GALNT13: variants seen among roughly 807,000 people sequenced by gnomAD.
GALNT13 encodes UDP-GalNAc:polypeptide N-acetylgalactosaminyltransferase 13.
GALNT13 carries 28 observed loss-of-function variants against 64.2 expected under a neutral mutation model. That is an observed-to-expected ratio of 0.44 (90% CI 0.32 to 0.60). GALNT13 has a LOEUF of 0.60. Ranked by LOEUF, GALNT13 falls within the 20% of genes least tolerant of loss-of-function variation. GALNT13 has a pLI of 0.05. For synonymous variants in GALNT13, 214 were observed against 224.6 expected (o/e 0.95, Z 0.42); for missense variants, 577 against 669.8 (o/e 0.86, Z 1.53).
At chr2:153,417,032 G>A in the GALNT13 span, among the ~76,000 whole-genome samples, 2 of 152,158 alleles carry the variant, frequency 1.3e-5, no homozygotes, top group East Asian at 3.9e-4. Flanking sequence ...CAGAAGTAGG[G>A]ATCACAAATT....
At chr2:153,602,739 G>T in the GALNT13 span, among the ~76,000 whole-genome samples, 2 of 151,760 alleles carry the variant, frequency 1.3e-5, no homozygotes, top group Admixed American at 6.6e-5. Flanking sequence ...AAAGAAGGAG[G>T]TATTGGTCCA....
chr2:154,267,069 C>T (rs949139575), intron 8 of GALNT13, among the ~76,000 whole-genome samples: 1 of 151,612 alleles, frequency 6.6e-6, no homozygotes, highest in Non-Finnish European at 1.5e-5. Context: ...TGATTTCTAA[C>T]AAATATGCAA....
chr2:154,245,207 T>C (rs1689717049), intron 6 of GALNT13, among the ~76,000 whole-genome samples: 1 of 152,180 alleles, frequency 6.6e-6, no homozygotes, highest in Non-Finnish European at 1.5e-5. Flanking sequence ...AGATTATACA[T>C]GTAAACTCTT....
At chr2:153,947,625 G>A (rs1359174313) in intron 3 of GALNT13, among the ~76,000 whole-genome samples, 4 of 151,886 alleles carry the variant, frequency 2.6e-5, no homozygotes, top group Non-Finnish European at 5.9e-5. Context: ...CTCCCATTCT[G>A]TAGGTTGTCT....
At chr2:154,051,036 C>A (rs1010161146) in intron 3 of GALNT13, among the ~76,000 whole-genome samples, 1 of 152,128 alleles carries the variant, frequency 6.6e-6, no homozygotes, top group Admixed American at 6.6e-5. Context: ...ACTTTGGGAA[C>A]ATTGTGTCAG....
chr2:153,260,783 C>G, the GALNT13 span, among the ~76,000 whole-genome samples: 1 of 152,136 alleles, frequency 6.6e-6, no homozygotes. Context: ...AATAATCTTT[C>G]TACCCTGAAC....
chr2:153,345,723 TTCCTTCCTTCCTTCCTTCCTTC>T, the GALNT13 span, among the ~76,000 whole-genome samples: 1 of 82,782 alleles, frequency 1.2e-5, no homozygotes, highest in African/African-American at 4.6e-5. Context: ...CTTTCTGTCC[TTCCTTCCTTCCTTCCTTCCTTC>T]CTTCCTTCCT....
chr2:153,512,047 T>C, the GALNT13 span, among the ~76,000 whole-genome samples: 1 of 152,058 alleles, frequency 6.6e-6, no homozygotes, highest in Non-Finnish European at 1.5e-5. Context: ...GGAGAGGGGC[T>C]GAGATATGAT....
At chr2:154,259,832 T>C (rs537450716) in intron 8 of GALNT13, among the ~76,000 whole-genome samples, 7 of 152,182 alleles carry the variant, frequency 4.6e-5, no homozygotes, top group Admixed American at 2.0e-4. Flanking sequence ...ATCACTGCTT[T>C]TTTTTCTACC....
the GALNT13 span, among the ~76,000 whole-genome samples, chr2:153,629,203 C>CTT: frequency 4.1e-3 from 539 of 131,552 alleles, 1 homozygote; most frequent in African/African-American, 0.014. Context: ...TCCCCTTTAT[C>CTT]ATTTTTTTTT....
intron 2 of GALNT13, among the ~76,000 whole-genome samples, chr2:153,913,227 C>T (rs1265569290): frequency 1.3e-5 from 2 of 152,122 alleles, no homozygotes; most frequent in Non-Finnish European, 2.9e-5. Flanking sequence ...GTGCTGCTGG[C>T]AGCAGGGCAG....
intron 3 of GALNT13, among the ~76,000 whole-genome samples, chr2:154,127,624 A>G (rs1682360613): frequency 1.3e-5 from 2 of 151,458 alleles, no homozygotes; most frequent in African/African-American, 4.8e-5. Context: ...CTAAAAATAT[A>G]GGAAGAAGTT....
At chr2:153,625,792 C>T in the GALNT13 span, among the ~76,000 whole-genome samples, 4 of 151,920 alleles carry the variant, frequency 2.6e-5, no homozygotes, top group South Asian at 8.3e-4. Flanking sequence ...GATCGTTCTT[C>T]ATTCTTCAGT....
chr2:153,684,381 G>GT, the GALNT13 span, among the ~76,000 whole-genome samples: 1 of 151,556 alleles, frequency 6.6e-6, no homozygotes, highest in African/African-American at 2.4e-5. Flanking sequence ...AGAAAAAACA[G>GT]TATTTTATTC....
the GALNT13 span, among the ~76,000 whole-genome samples, chr2:153,787,690 A>G: frequency 6.6e-6 from 1 of 152,206 alleles, no homozygotes; most frequent in African/African-American, 2.4e-5. Context: ...GGAAACTAAG[A>G]ATCACAATAA....
intron 2 of GALNT13, among the ~76,000 whole-genome samples, chr2:153,917,657 C>A (rs903319970): frequency 3.3e-5 from 5 of 152,068 alleles, no homozygotes; most frequent in African/African-American, 1.2e-4. Context: ...TGTGAAAAAT[C>A]TCTTAAAATT....
chr2:154,376,151 A>G (rs1416718508), intron 9 of GALNT13, among the ~76,000 whole-genome samples: 1 of 152,210 alleles, frequency 6.6e-6, no homozygotes, highest in African/African-American at 2.4e-5. Flanking sequence ...CACAATAAGC[A>G]TAGCTTTAAC....
the GALNT13 span, among the ~76,000 whole-genome samples, chr2:153,751,098 T>G: frequency 2.0e-5 from 3 of 151,944 alleles, no homozygotes; most frequent in Non-Finnish European, 4.4e-5. Context: ...TTCTCTAATT[T>G]CTATGTATTC....
In GALNT13 at chr2:154,450,616, A is replaced by G. The variant is rs946502999; in HGVS notation, c.*65A>G. 2 of 1,393,296 alleles carry G rather than the reference A, an allele frequency of 1.4e-6. No homozygotes were observed. Among genetic ancestry groups the G allele is most frequent in the South Asian group, 1.5e-5 (1 of 66,926 alleles). 86.3% of individuals were successfully genotyped at this position (1,393,296 alleles called of 1,614,324 possible). ...GTTTTTCCATTATTTCAATTGGGGG[A>G]AAATATTAACTTTGCTGAATTGAAA... On this transcript the variant is annotated 3_prime_UTR_variant, in exon 13 of 13. Transcript: ENST00000392825.
Sources: gnomAD v4.1 joint callset for allele counts (sites outside exome capture counted in the v4.1 genomes callset) on GRCh38, gnomAD v4.1.1 for gene constraint, MANE v1.5 for transcripts, NCBI Gene and HGNC (gene_info 2026-07-23, HGNC 2026-07-21) for gene names.